Variants in UTRN observed in about 807,000 individuals in gnomAD.
UTRN encodes the protein dystrophin-related protein 1.
In UTRN, 283 loss-of-function variants were observed where a neutral mutation model predicts 463.9. That is an observed-to-expected ratio of 0.61 (90% CI 0.55 to 0.67). UTRN has a LOEUF of 0.67. UTRN is among the 30% of genes least tolerant of loss of function. The pLI is 0.00. For missense variants in UTRN, 3,922 were observed against 4,084.3 expected (o/e 0.96, Z 1.08); for synonymous variants, 1,442 against 1,431.5 (o/e 1.01, Z -0.17).
At chr6:144,763,608 G>A (rs1792952796) in intron 58 of UTRN, among the ~76,000 whole-genome samples, 2 of 152,124 alleles carry the variant, frequency 1.3e-5, no homozygotes, top group African/African-American at 2.4e-5. Context: ...AGAATTGTGC[G>A]CCAGCTTAGG....
chr6:144,287,468 G>T (rs1172379364), intron 1 of UTRN, among the ~76,000 whole-genome samples: 1 of 151,992 alleles, frequency 6.6e-6, no homozygotes, highest in Non-Finnish European at 1.5e-5. Flanking sequence ...TATCTCAATC[G>T]TTCCTAGGTT....
At chr6:144,356,943 T>TAC (rs1778611253) in intron 2 of UTRN, among the ~76,000 whole-genome samples, 1 of 151,628 alleles carries the variant, frequency 6.6e-6, no homozygotes, top group African/African-American at 2.4e-5. Flanking sequence ...GATTTCTTTA[T>TAC]AGTTAAATCA....
chr6:144,447,316 G>T lies in UTRN; in HGVS notation c.1720G>T (p.Ala574Ser). Residue 574 changes from alanine (A) to serine (S), a missense_variant and splice_region_variant, in exon 15 of 75, where the codon GCT becomes TCT. Physicochemically the swap from Ala to Ser is moderately conservative, Grantham distance 99. This residue lies in a region of UTRN where 2,349 missense variants were observed against 2,303.8 expected (regional missense o/e 1.02). Transcript: ENST00000367545. ...KELSVSVRRL[A>S]ILKEDMEMKR... ...ACTAAGTGTCAGTGTTCGACGTCTG[G>T]CTGTAAGTGATGGGGTTGTCAGCAT... 6.2e-7 allele frequency: 1 copy of T among 1,612,586 alleles called. No individual in the cohort carries two copies. The highest frequency in any genetic ancestry group is 1.1e-5 in the South Asian group (1 of 90,880).
intron 51 of UTRN, among the ~76,000 whole-genome samples, chr6:144,646,487 C>T (rs1018526621): frequency 6.6e-6 from 1 of 152,042 alleles, no homozygotes; most frequent in Admixed American, 6.6e-5. Flanking sequence ...TTCCTCCATT[C>T]TTACAGGTTA....
chr6:144,825,870 TTAC>T (rs1207844545), intron 66 of UTRN, among the ~76,000 whole-genome samples: 1 of 152,030 alleles, frequency 6.6e-6, no homozygotes, highest in Non-Finnish European at 1.5e-5. Context: ...TGTATCTATT[TTAC>T]ACATATGTAA....
chr6:144,850,972 A>G lies in UTRN; in HGVS notation c.10294-17A>G, dbSNP rs759227573. 3 of 1,613,552 alleles carry G rather than the reference A, an allele frequency of 1.9e-6. No homozygotes were observed. Among genetic ancestry groups the G allele is most frequent in the South Asian group, 1.1e-5 (1 of 91,068 alleles). On this transcript the variant is annotated splice_polypyrimidine_tract_variant and intron_variant, in intron 74 of 74. Coordinates refer to ENST00000367545, the MANE Select transcript of UTRN (RefSeq NM_007124.3). ...TTTTGTGCAAATTTCTGACAGTGCT[A>G]TTTTCCCTTCCCATAGGCAATGTGA...
intron 51 of UTRN, among the ~76,000 whole-genome samples, chr6:144,578,808 A>T (rs1801691840): frequency 1.3e-5 from 2 of 152,240 alleles, no homozygotes; most frequent in African/African-American, 4.8e-5. Flanking sequence ...TCAGCATTGA[A>T]ACCTTTTTTA....
At chr6:144,750,699 C>G (rs1791298178) in intron 55 of UTRN, among the ~76,000 whole-genome samples, 1 of 152,160 alleles carries the variant, frequency 6.6e-6, no homozygotes, top group South Asian at 2.1e-4. Context: ...ATCCCAGTTC[C>G]ATTATCCATT....
At chr6:144,569,980 C>T (rs1800789868) in intron 50 of UTRN, among the ~76,000 whole-genome samples, 1 of 152,176 alleles carries the variant, frequency 6.6e-6, no homozygotes, top group Admixed American at 6.6e-5. Context: ...AAATGCAGCC[C>T]TGCTGATAAC....
Position 144,451,474 on chromosome 6 carries a change from A to T in UTRN, c.2177A>T (p.Glu726Val). 1 of 1,610,598 alleles carries T rather than the reference A, an allele frequency of 6.2e-7. No homozygotes were observed. Among genetic ancestry groups the T allele is most frequent in the African/African-American group, 1.3e-5 (1 of 74,660 alleles). The change falls in exon 18 of 75, where the codon GAA becomes GTA. Residue 726 changes from glutamate (E) to valine (V), a missense_variant. Physicochemically the swap from Glu to Val is moderately radical, Grantham distance 121. This residue lies in a region of UTRN where 2,349 missense variants were observed against 2,303.8 expected (regional missense o/e 1.02). Transcript: ENST00000367545. ...TATATGAAGATGCAAGACACTTCCGAAATGAAAAAGAAGTTGAAGGTAAAA... is the reference window on the plus strand; with the variant it reads ...TATATGAAGATGCAAGACACTTCCGTAATGAAAAAGAAGTTGAAGGTAAAA... The part of the protein sequence containing the change: ...KEYMKMQDTS[E>V]MKKKLKALEK...
At chr6:144,330,817 C>T in intron 2 of UTRN, 1 of 985,466 alleles carries the variant, frequency 1.0e-6, no homozygotes, top group Non-Finnish European at 1.2e-6. Context: ...ATCCACGGTT[C>T]CCATACTGTT....
At chr6:144,516,685 G>A (rs768283682) in intron 38 of UTRN, 126 bp from the exon 39 acceptor site, 96 of 757,104 alleles carry the variant, frequency 1.3e-4, no homozygotes, top group Admixed American at 2.0e-4. Flanking sequence ...TTTTTTGATC[G>A]TTCAGGTTAA....
intron 52 of UTRN, among the ~76,000 whole-genome samples, chr6:144,681,811 A>G (rs1411480942): frequency 6.6e-6 from 1 of 152,148 alleles, no homozygotes; most frequent in Non-Finnish European, 1.5e-5. Flanking sequence ...GAGATTAGAT[A>G]TGGCTTTTAA....
At chr6:144,432,795 CA>C (rs1163912768) in intron 9 of UTRN, among the ~76,000 whole-genome samples, 1 of 151,800 alleles carries the variant, frequency 6.6e-6, no homozygotes, top group Non-Finnish European at 1.5e-5. Context: ...AACAAGTGAA[CA>C]AAGGTCTCTG....
chr6:144,559,112 T>A (rs1448225029), intron 50 of UTRN, among the ~76,000 whole-genome samples: 2 of 113,180 alleles, frequency 1.8e-5, no homozygotes, highest in Non-Finnish European at 4.2e-5. Context: ...TCTTCTTATT[T>A]TTTTTTTTTG....
At chr6:144,828,973 T>C in intron 69 of UTRN, 118 bp downstream of exon 69, 1 of 1,179,172 alleles carries the variant, frequency 8.5e-7, no homozygotes, top group Admixed American at 2.1e-5. Flanking sequence ...TTATTAAGTG[T>C]GGTTCCAAAA....
chr6:144,435,865 CA>C, intron 9 of UTRN, 69 bp from the exon 10 acceptor site: 1 of 1,541,264 alleles, frequency 6.5e-7, no homozygotes. Context: ...GTTCGCCATA[CA>C]GTGTGAGTTT....
At chr6:144,706,475 A>G (rs879631626) in intron 53 of UTRN, among the ~76,000 whole-genome samples, 2 of 151,910 alleles carry the variant, frequency 1.3e-5, no homozygotes, top group Non-Finnish European at 2.9e-5. Context: ...TACTTACTAT[A>G]TGCCTGGCAG....
At chr6:144,463,004 A>G in intron 23 of UTRN, 138 bp downstream of exon 23, 1 of 800,752 alleles carries the variant, frequency 1.2e-6, no homozygotes, top group Non-Finnish European at 1.9e-6. Context: ...GTTGGGACTT[A>G]TCAAAGATGT....
Sources: allele counts gnomAD v4.1 joint callset (sites outside exome capture counted in the v4.1 genomes callset), GRCh38; gene constraint gnomAD v4.1.1; regional missense constraint gnomAD v4.1.1; transcripts MANE v1.5; gene names NCBI Gene and HGNC (gene_info 2026-07-23, HGNC 2026-07-21).